Variants in CPNE8 observed in about 807,000 individuals in gnomAD.
CPNE8 encodes the protein copine-8.
Under a neutral mutation model 81.5 loss-of-function variants are expected in CPNE8, and 45 were observed. The observed-to-expected ratio is 0.55, with a 90% CI of 0.44 to 0.71. The LOEUF (loss-of-function observed/expected upper bound fraction) is 0.71. Among genes scored for constraint, CPNE8 ranks in the 30% least tolerant of loss-of-function variants. CPNE8 has a pLI of 0.00. For missense variants in CPNE8, 594 were observed against 672.1 expected (o/e 0.88, Z 1.28); for synonymous variants, 252 against 226.3 (o/e 1.11, Z -1.02).
At chr12:38,844,262 T>A (rs375160280) in intron 4 of CPNE8, among the ~76,000 whole-genome samples, 16 of 151,964 alleles carry the variant, frequency 1.1e-4, no homozygotes, top group African/African-American at 2.9e-4. Flanking sequence ...ATGAGAAGAG[T>A]TATTTCTGAA....
chr12:38,791,636 AAAT>A (rs1942326479), intron 6 of CPNE8, among the ~76,000 whole-genome samples: 1 of 151,664 alleles, frequency 6.6e-6, no homozygotes, highest in Admixed American at 6.6e-5. Context: ...AACAGAAAGA[AAAT>A]AATATGAGAC....
intron 10 of CPNE8, among the ~76,000 whole-genome samples, chr12:38,741,461 G>C (rs1464974938): frequency 2.0e-5 from 3 of 152,122 alleles, no homozygotes; most frequent in African/African-American, 7.2e-5. Context: ...AATGTTGCTG[G>C]GAAACTGGCT....
At chr12:38,681,843 C>G (rs1939415160) in intron 16 of CPNE8, among the ~76,000 whole-genome samples, 1 of 152,174 alleles carries the variant, frequency 6.6e-6, no homozygotes, top group Non-Finnish European at 1.5e-5. Flanking sequence ...GTTCTGTTCT[C>G]TGGAGAACCC....
chr12:38,889,462 T>A (rs1944280813), intron 1 of CPNE8, among the ~76,000 whole-genome samples: 1 of 152,064 alleles, frequency 6.6e-6, no homozygotes, highest in African/African-American at 2.4e-5. Context: ...CTGAAGTGAC[T>A]TAGAGTTTAG....
chr12:38,902,827 A>G (rs1374019957), intron 1 of CPNE8, among the ~76,000 whole-genome samples: 1 of 152,230 alleles, frequency 6.6e-6, no homozygotes, highest in East Asian at 1.9e-4. Flanking sequence ...AATAATAGCT[A>G]ACATTTTTGA....
intron 6 of CPNE8, among the ~76,000 whole-genome samples, chr12:38,790,571 T>C (rs929541413): frequency 6.6e-6 from 1 of 151,726 alleles, no homozygotes; most frequent in African/African-American, 2.4e-5. Context: ...AATAATAATT[T>C]AATTGTATAT....
intron 10 of CPNE8, among the ~76,000 whole-genome samples, chr12:38,731,307 G>T (rs1275497072): frequency 1.3e-5 from 2 of 151,908 alleles, no homozygotes; most frequent in African/African-American, 4.8e-5. Flanking sequence ...GCAAATGCAA[G>T]CTATTCCTTG....
chr12:38,659,387 C>T (rs1489237136), intron 19 of CPNE8, among the ~76,000 whole-genome samples: 2 of 152,150 alleles, frequency 1.3e-5, no homozygotes, highest in Non-Finnish European at 2.9e-5. Context: ...CAAGAGCACC[C>T]AGATTCATAA....
chr12:38,833,685 A>G lies in CPNE8; in HGVS notation c.331-4230T>C, dbSNP rs1206680886. Among the ~76,000 whole-genome samples, 3 of 151,980 alleles carry G rather than the reference A, an allele frequency of 2.0e-5. No homozygotes were observed. The South Asian group carries it at 6.2e-4, about 32-fold the overall frequency. ...AGTAGAGACGGGGTTTCACCGTGTTAGCCAGGATGGTCTCGATCTCCTGAC... is the reference window on the plus strand; with the variant it reads ...AGTAGAGACGGGGTTTCACCGTGTTGGCCAGGATGGTCTCGATCTCCTGAC... On this transcript the variant is annotated intron_variant, in intron 5 of 19. Transcript: ENST00000331366.
intron 6 of CPNE8, among the ~76,000 whole-genome samples, chr12:38,826,496 C>A (rs1299680158): frequency 2.0e-5 from 3 of 152,148 alleles, no homozygotes; most frequent in African/African-American, 7.2e-5. Flanking sequence ...ATCTAAATCT[C>A]ATCCTTTCTG....
chr12:38,808,088 A>T (rs1490682813), intron 6 of CPNE8, among the ~76,000 whole-genome samples: 8 of 152,072 alleles, frequency 5.3e-5, no homozygotes, highest in Non-Finnish European at 1.0e-4. Context: ...GCAATCATTA[A>T]AAAGTCAGGA....
At chr12:38,898,554 C>A (rs1010713157) in intron 1 of CPNE8, among the ~76,000 whole-genome samples, 24 of 152,294 alleles carry the variant, frequency 1.6e-4, no homozygotes, top group Admixed American at 1.4e-3. Context: ...ATTAACAGCA[C>A]AACAGGCAGT....
At chr12:38,742,522 C>A (rs1386480347) in intron 10 of CPNE8, among the ~76,000 whole-genome samples, 1 of 119,932 alleles carries the variant, frequency 8.3e-6, no homozygotes, top group African/African-American at 2.8e-5. Flanking sequence ...CACACTGGGT[C>A]CTGTTGTGGG....
intron 6 of CPNE8, among the ~76,000 whole-genome samples, chr12:38,791,285 C>T (rs77047059): frequency 4.0e-5 from 6 of 151,682 alleles, no homozygotes; most frequent in Non-Finnish European, 8.9e-5. Flanking sequence ...GACCTTTTCT[C>T]ATCTCAGGTA....
chr12:38,654,493 C>T (rs986521550), intron 19 of CPNE8, among the ~76,000 whole-genome samples: 28 of 124,714 alleles, frequency 2.2e-4, no homozygotes, highest in Non-Finnish European at 3.3e-4. Context: ...CCAGCCTGGC[C>T]GACAGAGCGA....
intron 10 of CPNE8, among the ~76,000 whole-genome samples, chr12:38,744,113 G>A (rs1941171794): frequency 6.6e-6 from 1 of 152,144 alleles, no homozygotes; most frequent in African/African-American, 2.4e-5. Context: ...CTGGACTTCT[G>A]AATATCAGAA....
At chr12:38,805,725 G>A (rs1344571976) in intron 6 of CPNE8, among the ~76,000 whole-genome samples, 1 of 136,282 alleles carries the variant, frequency 7.3e-6, no homozygotes, top group Non-Finnish European at 1.6e-5. Flanking sequence ...ACATTCAAAA[G>A]CTAGCAGAAG....
At chr12:38,858,552 G>A (rs1943781642) in intron 3 of CPNE8, among the ~76,000 whole-genome samples, 1 of 152,186 alleles carries the variant, frequency 6.6e-6, no homozygotes, top group African/African-American at 2.4e-5. Flanking sequence ...TATAGGAAAA[G>A]AGTGGTAATT....
intron 7 of CPNE8, among the ~76,000 whole-genome samples, chr12:38,769,078 C>T (rs1565605788): frequency 6.6e-6 from 1 of 152,108 alleles, no homozygotes; most frequent in African/African-American, 2.4e-5. Context: ...TTCATTCATT[C>T]ACTCATTTTC....
Sources: allele counts gnomAD v4.1 joint callset (sites outside exome capture counted in the v4.1 genomes callset), GRCh38; gene constraint gnomAD v4.1.1; transcripts MANE v1.5; gene names NCBI Gene and HGNC (gene_info 2026-07-23, HGNC 2026-07-21).